Variants in HTR4 observed in about 807,000 individuals in gnomAD.
The protein encoded by HTR4 is 5-hydroxytryptamine receptor 4, also known as 5-hydroxytryptamine (serotonin) receptor 4, G protein-coupled.
HTR4 carries 16 observed loss-of-function variants against 36.8 expected under a neutral mutation model. The observed-to-expected ratio is 0.43, with a 90% CI of 0.29 to 0.66. The LOEUF is 0.66. Ranked by LOEUF, HTR4 falls within the 30% of genes least tolerant of loss-of-function variation. HTR4 has a pLI of 0.13. For missense variants in HTR4, 438 were observed against 490.9 expected, an observed-to-expected ratio of 0.89 and a Z score of 1.02; for synonymous variants, 189 against 185.1, an observed-to-expected ratio of 1.02 and a Z score of -0.17.
intron 2 of HTR4, among the ~76,000 whole-genome samples, chr5:148,615,851 C>A (rs73270410): frequency 1.3e-5 from 2 of 152,118 alleles, no homozygotes; most frequent in African/African-American, 4.8e-5. Context: ...ATTTCTCCAG[C>A]GGGAGCCAAA....
At chr5:148,569,951 A>G (rs1406476470) in intron 2 of HTR4, among the ~76,000 whole-genome samples, 1 of 152,130 alleles carries the variant, frequency 6.6e-6, no homozygotes. Flanking sequence ...TACTTGTTTA[A>G]CTGAAGAATA....
chr5:148,625,948 C>T (rs1442034249), intron 2 of HTR4, among the ~76,000 whole-genome samples: 1 of 151,564 alleles, frequency 6.6e-6, no homozygotes, highest in Middle Eastern at 3.2e-3. Context: ...CACAGATGCA[C>T]TTCATGAATT....
intron 2 of HTR4, among the ~76,000 whole-genome samples, chr5:148,603,118 A>C (rs982567266): frequency 1.3e-5 from 2 of 152,092 alleles, no homozygotes; most frequent in African/African-American, 4.8e-5. Context: ...AAGAAGGATA[A>C]ATATATGCAT....
At chr5:148,483,947 T>C (rs1756022221) in intron 6 of HTR4, among the ~76,000 whole-genome samples, 1 of 95,354 alleles carries the variant, frequency 1.0e-5, no homozygotes, top group African/African-American at 5.1e-5. Context: ...ATTTATTTAT[T>C]TATTTATTTA....
At chr5:148,514,198 C>A (rs1016295502) in intron 5 of HTR4, among the ~76,000 whole-genome samples, 2 of 152,012 alleles carry the variant, frequency 1.3e-5, no homozygotes, top group East Asian at 3.9e-4. Flanking sequence ...AGGGGATGAG[C>A]CTTCAATAAT....
At chr5:148,645,749 G>A (rs1191086507) in intron 1 of HTR4, 1 of 152,222 alleles carries the variant, frequency 6.6e-6, no homozygotes, top group African/African-American at 2.4e-5. Context: ...GTAATAAGGT[G>A]GATTCCAGCT....
At chr5:148,625,218 T>C (rs1171784464) in intron 2 of HTR4, among the ~76,000 whole-genome samples, 1 of 152,128 alleles carries the variant, frequency 6.6e-6, no homozygotes, top group East Asian at 1.9e-4. Context: ...ATGCCAATCA[T>C]GCAGAAAAGA....
rs1338862698 is a variant in HTR4, at chr5:148,616,764, C to A, written c.26+20225G>T. Among the ~76,000 whole-genome samples the A allele has an allele frequency of 2.2e-5, 3 of 139,316 alleles. No homozygotes were observed. In the East Asian group the frequency reaches 6.1e-4, roughly 28 times the overall value. 91.4% of individuals were successfully genotyped at this position (139,316 alleles called of 152,430 possible). A position where few individuals can be genotyped will look rare whatever the true frequency, so the allele number is the denominator to read the frequency against. ...AGATTTTTTTCTGTACATACACAGA[C>A]AGATTTTTTTCTTCTATCACCCATA... On this transcript the variant is annotated intron_variant, in intron 2 of 6. Coordinates refer to ENST00000377888, the MANE Select transcript of HTR4 (RefSeq NM_000870.7).
At chr5:148,557,067 A>T (rs1759979858) in intron 2 of HTR4, among the ~76,000 whole-genome samples, 1 of 152,328 alleles carries the variant, frequency 6.6e-6, no homozygotes, top group East Asian at 1.9e-4. Context: ...TCAGACAAGT[A>T]GTCGGAAGCC....
intron 3 of HTR4, among the ~76,000 whole-genome samples, chr5:148,549,771 CA>C (rs66627507): frequency 0.24 from 35,733 of 152,050 alleles, 5,221 homozygotes; most frequent in Non-Finnish European, 0.34. Context: ...AGTAGAAGTG[CA>C]AAAAACACAG....
At chr5:148,613,492 A>T (rs1291342291) in intron 2 of HTR4, among the ~76,000 whole-genome samples, 1 of 151,946 alleles carries the variant, frequency 6.6e-6, no homozygotes, top group Non-Finnish European at 1.5e-5. Flanking sequence ...CCTTCATGCT[A>T]AAAACTCTCA....
At chr5:148,590,179 C>T (rs561641758) in intron 2 of HTR4, among the ~76,000 whole-genome samples, 51 of 152,036 alleles carry the variant, frequency 3.4e-4, no homozygotes, top group African/African-American at 1.2e-3. Context: ...AAACTTCTAA[C>T]ACCCCTGTAA....
chr5:148,467,457 A>C (rs1349467826), intron 5 of HTR4, among the ~76,000 whole-genome samples: 6 of 152,154 alleles, frequency 3.9e-5, no homozygotes, highest in African/African-American at 1.4e-4. Context: ...ACATGTCTGA[A>C]ATTACTGAGC....
intron 2 of HTR4, among the ~76,000 whole-genome samples, chr5:148,628,102 T>A (rs10080196): frequency 0.019 from 2,860 of 152,328 alleles, 76 homozygotes; most frequent in African/African-American, 0.065. Context: ...TAATCCATTT[T>A]TAAAACCCTG....
intron 6 of HTR4, among the ~76,000 whole-genome samples, chr5:148,504,299 G>A (rs983834925): frequency 6.6e-6 from 1 of 152,130 alleles, no homozygotes; most frequent in African/African-American, 2.4e-5. Flanking sequence ...CTGTCTCTCA[G>A]ACCACAGTGC....
chr5:148,498,514 CTA>C (rs1581383828), intron 6 of HTR4, among the ~76,000 whole-genome samples: 2 of 152,096 alleles, frequency 1.3e-5, no homozygotes, highest in South Asian at 4.1e-4. Context: ...TATACAGATA[CTA>C]TGTTAGAGAC....
chr5:148,611,706 T>C (rs1316321303), intron 2 of HTR4, among the ~76,000 whole-genome samples: 11 of 151,484 alleles, frequency 7.3e-5, no homozygotes, highest in Non-Finnish European at 1.3e-4. Flanking sequence ...ATGGACTAAA[T>C]GCTCCAATTA....
intron 6 of HTR4, among the ~76,000 whole-genome samples, chr5:148,503,460 C>T (rs1316630371): frequency 6.6e-6 from 1 of 152,112 alleles, no homozygotes; most frequent in African/African-American, 2.4e-5. Flanking sequence ...TTTGTCACCA[C>T]CAGGCCAGCC....
At chr5:148,533,238 T>C (rs972596945) in intron 4 of HTR4, among the ~76,000 whole-genome samples, 1 of 152,188 alleles carries the variant, frequency 6.6e-6, no homozygotes, top group African/African-American at 2.4e-5. Flanking sequence ...TACAAAGTAG[T>C]TAAATGAATG....
Sources: gnomAD v4.1 joint callset for allele counts (sites outside exome capture counted in the v4.1 genomes callset) on GRCh38, gnomAD v4.1.1 for gene constraint, MANE v1.5 for transcripts, NCBI Gene and HGNC (gene_info 2026-07-23, HGNC 2026-07-21) for gene names.